ATP2B2: variants seen among roughly 807,000 people sequenced by gnomAD.
ATP2B2 encodes the protein ATPase plasma membrane Ca2+ transporting 2.
In ATP2B2, 15 loss-of-function variants were observed where a neutral mutation model predicts 120.0. That is an observed-to-expected ratio of 0.12 (90% CI 0.08 to 0.19). The LOEUF (loss-of-function observed/expected upper bound fraction) is 0.19, where lower values mean the gene tolerates loss of function less well. Among genes scored for constraint, ATP2B2 ranks in the 10% least tolerant of loss-of-function variants. The probability of loss-of-function intolerance (pLI) is 1.00; values close to 1 mark genes in which losing one functional copy is unlikely to be tolerated. For synonymous variants in ATP2B2, 694 were observed against 700.3 expected (o/e 0.99, Z 0.14); for missense variants, 1,045 against 1,719.8 (o/e 0.61, Z 6.94).
chr3:10,500,823 C>T (rs1268728143), intron 1 of ATP2B2, among the ~76,000 whole-genome samples: 3 of 152,252 alleles, frequency 2.0e-5, no homozygotes, highest in South Asian at 2.1e-4. Flanking sequence ...ACAAACACAA[C>T]GGGCTGTCCC....
chr3:10,654,833 G>C (rs2070571057), intron 1 of ATP2B2, among the ~76,000 whole-genome samples: 1 of 151,370 alleles, frequency 6.6e-6, no homozygotes. Flanking sequence ...ACAAGGCCTT[G>C]GGCCAAGGAA....
chr3:10,381,166 T>C (rs2061520271), intron 8 of ATP2B2, among the ~76,000 whole-genome samples: 1 of 152,230 alleles, frequency 6.6e-6, no homozygotes, highest in Non-Finnish European at 1.5e-5. Flanking sequence ...AGTGCAGAGC[T>C]GTCCCCATGG....
chr3:10,560,526 T>C (rs1413282568), intron 2 of ATP2B2, among the ~76,000 whole-genome samples: 1 of 152,182 alleles, frequency 6.6e-6, no homozygotes, highest in African/African-American at 2.4e-5. Flanking sequence ...TCCCTCAGTC[T>C]TCCCCATCTT....
chr3:10,419,793 C>G (rs865978572), intron 2 of ATP2B2, among the ~76,000 whole-genome samples: 4 of 152,230 alleles, frequency 2.6e-5, no homozygotes, highest in African/African-American at 9.6e-5. Context: ...GGCCACCCTG[C>G]CCTGTTCCAG....
chr3:10,383,466 A>C (rs1028527876), intron 8 of ATP2B2, among the ~76,000 whole-genome samples: 1 of 152,194 alleles, frequency 6.6e-6, no homozygotes, highest in Non-Finnish European at 1.5e-5. Flanking sequence ...TGACCACAGA[A>C]TCCTTTTCTT....
At chr3:10,406,173 T>C (rs919137692) in intron 3 of ATP2B2, among the ~76,000 whole-genome samples, 1 of 152,148 alleles carries the variant, frequency 6.6e-6, no homozygotes, top group Non-Finnish European at 1.5e-5. Context: ...TGGCTTTAAG[T>C]TTGGGGATGC....
chr3:10,684,852 C>T (rs901779627), intron 1 of ATP2B2, among the ~76,000 whole-genome samples: 1 of 152,182 alleles, frequency 6.6e-6, no homozygotes, highest in Non-Finnish European at 1.5e-5. Context: ...CTATTTTACT[C>T]GAGACAATGA....
chr3:10,679,488 A>G (rs966379317), intron 1 of ATP2B2, among the ~76,000 whole-genome samples: 1 of 152,130 alleles, frequency 6.6e-6, no homozygotes, highest in Non-Finnish European at 1.5e-5. Context: ...CCACCATCCC[A>G]GTCTGGGATC....
At chr3:10,407,465 C>T (rs563338389) in intron 3 of ATP2B2, among the ~76,000 whole-genome samples, 2 of 152,272 alleles carry the variant, frequency 1.3e-5, no homozygotes, top group East Asian at 1.9e-4. Context: ...CTGACAGGGC[C>T]GGCGTTGCTC....
intron 1 of ATP2B2, among the ~76,000 whole-genome samples, chr3:10,673,695 G>A (rs769068339): frequency 6.6e-6 from 1 of 151,676 alleles, no homozygotes; most frequent in Non-Finnish European, 1.5e-5. Context: ...CCAGCTACTT[G>A]GGAGGCTGAG....
chr3:10,475,083 G>A (rs562126344), intron 1 of ATP2B2, among the ~76,000 whole-genome samples: 4 of 152,258 alleles, frequency 2.6e-5, no homozygotes, highest in Admixed American at 2.0e-4. Context: ...GAGGAAGGAC[G>A]GTTAAGAGAG....
chr3:10,479,871 G>A (rs2065342281), intron 1 of ATP2B2, among the ~76,000 whole-genome samples: 1 of 152,154 alleles, frequency 6.6e-6, no homozygotes, highest in Non-Finnish European at 1.5e-5. Flanking sequence ...CAAGGTGATT[G>A]CTTGAGCCCA....
rs3030786 is a variant in ATP2B2 at position 10,654,779 on chromosome 3, T to TAA, written c.-459-34820_-459-34819dup. ...GTATTGAAATCTCTTGGGAAGCTGG[T>TAA]AAAAAAAAAAAAAAACGCAGACTCT... is the stretch of plus-strand genomic sequence containing the variant. On this transcript the variant is annotated intron_variant, in intron 1 of 21. Coordinates refer to the ATP2B2 transcript ENST00000646379. 6.0e-3 allele frequency among the ~76,000 whole-genome samples: 868 copies of TAA among 143,488 alleles called. 8 individuals are homozygous for TAA. Among genetic ancestry groups the TAA allele is most frequent in the African/African-American group, 0.021 (805 of 38,584 alleles). The allele number at this position is 143,488 out of a possible 152,430, so 94.1% of individuals were successfully genotyped here.
intron 1 of ATP2B2, among the ~76,000 whole-genome samples, chr3:10,488,507 G>A (rs75295011): frequency 1.1e-5 from 1 of 95,176 alleles, no homozygotes; most frequent in South Asian, 4.2e-4. Flanking sequence ...TCCTTCCTTC[G>A]TTCCTTCCTT....
chr3:10,437,263 A>G (rs2063506996), intron 2 of ATP2B2, among the ~76,000 whole-genome samples: 1 of 151,960 alleles, frequency 6.6e-6, no homozygotes, highest in Non-Finnish European at 1.5e-5. Flanking sequence ...GATAATGATA[A>G]TAGTAATAGT....
At chr3:10,683,760 G>GTGTGTATATATATATATA (rs1446781892) in intron 1 of ATP2B2, among the ~76,000 whole-genome samples, 22 of 53,902 alleles carry the variant, frequency 4.1e-4, no homozygotes, top group South Asian at 9.5e-4. Context: ...GTGTGTGTGT[G>GTGTGTATATATATATATA]TATATATATA....
At position 10,578,678 on chromosome 3, in the gene ATP2B2, C is replaced by G. The variant is rs74562408; in HGVS notation, c.-415+41239G>C. On this transcript the variant is annotated intron_variant, in intron 2 of 21. Transcript: ENST00000646379. ...ACCCAAATGCCCACCCACAAGAGAACAGATGAACAACTTGTGATGTAGTCT... is the reference window on the plus strand; with the variant it reads ...ACCCAAATGCCCACCCACAAGAGAAGAGATGAACAACTTGTGATGTAGTCT... Among the ~76,000 whole-genome samples, 144 of 152,266 alleles carry G rather than the reference C, an allele frequency of 9.5e-4. 3 individuals are homozygous for G. The East Asian group carries it at 0.026, about 27-fold the overall frequency.
intron 4 of ATP2B2, 118 bp from the exon 5 acceptor site, chr3:10,401,196 C>T (rs2062207799): frequency 1.5e-6 from 2 of 1,377,706 alleles, no homozygotes; most frequent in Non-Finnish European, 2.0e-6. Flanking sequence ...ATGCCTAGAG[C>T]TCCCAGGGTG....
At chr3:10,470,997 G>A (rs1431358861) in intron 1 of ATP2B2, among the ~76,000 whole-genome samples, 1 of 152,230 alleles carries the variant, frequency 6.6e-6, no homozygotes, top group African/African-American at 2.4e-5. Flanking sequence ...GAGAACGGGG[G>A]GCCTGGGGGG....
Sources: gnomAD v4.1 joint callset for allele counts (sites outside exome capture counted in the v4.1 genomes callset) on GRCh38, gnomAD v4.1.1 for gene constraint, MANE v1.5 for transcripts, NCBI Gene and HGNC (gene_info 2026-07-23, HGNC 2026-07-21) for gene names.